Variants in LPAR1 observed in about 807,000 individuals in gnomAD.
The protein encoded by LPAR1 is lysophosphatidic acid receptor 1, also known as LPA receptor 1.
LPAR1 carries 5 observed loss-of-function variants against 23.8 expected under a neutral mutation model. The ratio of observed to expected loss-of-function variants is 0.21; its 90% CI spans 0.11 to 0.44. The LOEUF (loss-of-function observed/expected upper bound fraction) is 0.44. Among genes scored for constraint, LPAR1 ranks in the 20% least tolerant of loss-of-function variants. The pLI is 0.99. For missense variants in LPAR1, 311 were observed against 482.8 expected, an observed-to-expected ratio of 0.64 and a Z score of 3.33; for synonymous variants, 160 against 164.7, an observed-to-expected ratio of 0.97 and a Z score of 0.22.
intron 4 of LPAR1, among the ~76,000 whole-genome samples, chr9:110,966,925 AG>A (rs1042613351): frequency 6.6e-6 from 1 of 152,216 alleles, no homozygotes; most frequent in African/African-American, 2.4e-5. Context: ...GATCAAGCAC[AG>A]GGTAATGCTT....
intron 3 of LPAR1, 38 bp from the exon 4 acceptor site, chr9:110,972,258 G>A (rs2096447560): frequency 1.4e-6 from 1 of 735,106 alleles, no homozygotes; most frequent in Non-Finnish European, 2.4e-6. Context: ...TAGCATAAAA[G>A]GACTAGCATA....
chr9:110,963,861 C>T (rs2137543944), intron 4 of LPAR1, among the ~76,000 whole-genome samples: 1 of 152,330 alleles, frequency 6.6e-6, no homozygotes, highest in South Asian at 2.1e-4. Context: ...GACCTATGTA[C>T]TGAAGATCCC....
At chr9:110,939,602 A>C (rs879107730) in intron 5 of LPAR1, among the ~76,000 whole-genome samples, 3 of 152,334 alleles carry the variant, frequency 2.0e-5, no homozygotes, top group Admixed American at 2.0e-4. Flanking sequence ...ATGTACACTG[A>C]AACACTAGCT....
intron 4 of LPAR1, among the ~76,000 whole-genome samples, chr9:110,948,389 G>A (rs1000779968): frequency 6.6e-6 from 1 of 152,098 alleles, no homozygotes; most frequent in Non-Finnish European, 1.5e-5. Flanking sequence ...TAAAATCGCT[G>A]AAGAATATGC....
chr9:111,028,069 T>C (rs555418097), intron 2 of LPAR1, among the ~76,000 whole-genome samples: 64 of 152,126 alleles, frequency 4.2e-4, no homozygotes, highest in Admixed American at 2.9e-3. Flanking sequence ...AGAATGCTGT[T>C]AAATATTCCG....
At chr9:111,037,608 A>T (rs1174257972) in intron 1 of LPAR1, among the ~76,000 whole-genome samples, 1 of 152,244 alleles carries the variant, frequency 6.6e-6, no homozygotes, top group African/African-American at 2.4e-5. Flanking sequence ...GCGGCTGGAC[A>T]GAAACTTAGT....
intron 5 of LPAR1, among the ~76,000 whole-genome samples, chr9:110,912,760 A>C (rs2092621875): frequency 6.6e-6 from 1 of 152,076 alleles, no homozygotes; most frequent in Admixed American, 6.6e-5. Context: ...GAGAAGGGCT[A>C]GAGATTCCAT....
At position 110,932,916 on chromosome 9, in the gene LPAR1, C is replaced by T. The variant is rs181609620; in HGVS notation, c.793+8505G>A. 7.9e-5 allele frequency among the ~76,000 whole-genome samples: 12 copies of T among 152,352 alleles called. 1 individual carries two copies. The East Asian group carries it at 2.1e-3, about 27-fold the overall frequency. On this transcript the variant is annotated intron_variant, in intron 5 of 5. Transcript: ENST00000683809. ...ACCACTGCCCTAGATGATGCCTGGG[C>T]TTTCAGCTGTGCCTTAAGTACTGCA...
In LPAR1 at chr9:111,038,418, G is replaced by C. The variant is rs1339272354; in HGVS notation, c.-513C>G. On this transcript the variant is annotated 5_prime_UTR_variant, in exon 1 of 6. Transcript: ENST00000683809. The surrounding 1 kb of genome is among the most constrained non-coding windows in gnomAD (Gnocchi z 4.4). The stretch of plus-strand genomic sequence containing the variant: ...GATCCGGCCCGCGCTCCGCAGCGGG[G>C]CTGGAGACGGAGTCGCCACTCAGGG... The C allele has an allele frequency of 3.2e-6, 1 of 308,812 alleles. No homozygotes were observed. Among genetic ancestry groups the C allele is most frequent in the African/African-American group, 2.4e-5 (1 of 42,540 alleles). 19.1% of individuals were successfully genotyped at this position (308,812 alleles called of 1,614,324 possible). A position where few individuals can be genotyped will look rare whatever the true frequency, so the allele number is the denominator to read the frequency against.
intron 2 of LPAR1, among the ~76,000 whole-genome samples, chr9:110,991,579 TTTGTTGTTGTTG>T (rs199560980): frequency 5.5e-5 from 4 of 72,934 alleles, no homozygotes; most frequent in Non-Finnish European, 1.3e-4. Flanking sequence ...TCTGGTTTGT[TTTGTTGTTGTTG>T]TTGTTGTTGT....
At chr9:110,930,856 G>A (rs534918200) in intron 5 of LPAR1, among the ~76,000 whole-genome samples, 24 of 152,030 alleles carry the variant, frequency 1.6e-4, no homozygotes, top group South Asian at 2.1e-4. Context: ...CAGATGTTGC[G>A]GTGAACCGAG....
chr9:110,914,804 G>C (rs2092898442), intron 5 of LPAR1, among the ~76,000 whole-genome samples: 3 of 151,916 alleles, frequency 2.0e-5, no homozygotes, highest in Admixed American at 6.6e-5. Flanking sequence ...AGCTTATTTT[G>C]CTTGCTGAGA....
intron 2 of LPAR1, among the ~76,000 whole-genome samples, chr9:110,995,855 A>G (rs960435951): frequency 1.3e-5 from 2 of 152,216 alleles, no homozygotes; most frequent in Non-Finnish European, 2.9e-5. Context: ...GTGAGTGGTT[A>G]ACTCCTGTTT....
chr9:110,902,532 C>T (rs1441077782), intron 5 of LPAR1, among the ~76,000 whole-genome samples: 5 of 152,114 alleles, frequency 3.3e-5, no homozygotes, highest in African/African-American at 9.7e-5. Context: ...TGAGGCCTTC[C>T]AAGCCATGTG....
intron 2 of LPAR1, among the ~76,000 whole-genome samples, chr9:111,009,219 C>G (rs1417800131): frequency 6.6e-6 from 1 of 151,892 alleles, no homozygotes; most frequent in Non-Finnish European, 1.5e-5. Context: ...TATAAAAACA[C>G]AGTATTTCAA....
intron 5 of LPAR1, among the ~76,000 whole-genome samples, chr9:110,919,685 A>C (rs548935215): frequency 6.6e-5 from 10 of 152,322 alleles, no homozygotes; most frequent in African/African-American, 2.4e-4. Flanking sequence ...GATGTTCCAG[A>C]TACTTAAACT....
intron 5 of LPAR1, among the ~76,000 whole-genome samples, chr9:110,894,843 C>T (rs1249094720): frequency 6.8e-6 from 1 of 146,412 alleles, no homozygotes; most frequent in Non-Finnish European, 1.5e-5. Context: ...AGCTGAAACC[C>T]TACCTCCAGA....
rs60194419 is a variant in LPAR1 at position 110,897,805 on chromosome 9, C to T, written c.794-22083G>A. ...TAACTAGATATAGACTAAAATAAGG[C>T]CTTTGATTTTTTTTTTTAATGAGCA... On this transcript the variant is annotated intron_variant, in intron 5 of 5. Coordinates refer to ENST00000683809, the MANE Select transcript of LPAR1 (RefSeq NM_001351411.2). 4.1e-3 allele frequency among the ~76,000 whole-genome samples: 573 copies of T among 139,372 alleles called. 2 individuals carry two copies. Among genetic ancestry groups the T allele is most frequent in the African/African-American group, 0.016 (525 of 32,046 alleles). 91.4% of individuals were successfully genotyped at this position (139,372 alleles called of 152,430 possible). A position where few individuals can be genotyped will look rare whatever the true frequency, so the allele number is the denominator to read the frequency against.
At chr9:110,881,827 AACCCTC>A (rs1222104916) in intron 5 of LPAR1, among the ~76,000 whole-genome samples, 1 of 152,130 alleles carries the variant, frequency 6.6e-6, no homozygotes, top group African/African-American at 2.4e-5. Context: ...TCCTGCTTAA[AACCCTC>A]CAAAGTCTTC....
Sources: gnomAD v4.1 joint callset for allele counts (sites outside exome capture counted in the v4.1 genomes callset) on GRCh38, gnomAD v4.1.1 for gene constraint, Gnocchi (gnomAD v3.1) non-coding constraint, MANE v1.5 for transcripts, NCBI Gene and HGNC (gene_info 2026-07-23, HGNC 2026-07-21) for gene names.